Variants in PCDHGA2 observed in about 807,000 individuals in gnomAD.
The protein encoded by PCDHGA2 is protocadherin gamma-A2.
Under a neutral mutation model 59.2 loss-of-function variants are expected in PCDHGA2, and 40 were observed. The observed-to-expected ratio is 0.68, with a 90% CI of 0.52 to 0.88. The LOEUF (loss-of-function observed/expected upper bound fraction) is 0.88. Among genes scored for constraint, PCDHGA2 ranks in the 40% least tolerant of loss-of-function variants. The pLI is 0.00. For missense variants in PCDHGA2, 1,226 were observed against 1,204.0 expected (o/e 1.02, Z -0.27); for synonymous variants, 560 against 526.0 (o/e 1.06, Z -0.89).
chr5:141,394,661 C>T (rs1471316947), intron 1 of PCDHGA2: 1 of 1,613,378 alleles, frequency 6.2e-7, no homozygotes, highest in Non-Finnish European at 8.5e-7. Flanking sequence ...AGCCGGGACT[C>T]TTCTCGGTGG....
In PCDHGA2 at chr5:141,383,423, A is replaced by G. The variant is rs373117845; in HGVS notation, c.2424+42028A>G. 86 of 1,613,864 alleles carry G rather than the reference A, an allele frequency of 5.3e-5. No individual in the cohort carries two copies. The highest frequency in any genetic ancestry group is 1.6e-4 in the Middle Eastern group (1 of 6,084). On this transcript the variant is annotated intron_variant, in intron 1 of 3. Transcript: ENST00000394576. ...CTCCAGAGTTACCAGCTCAGCCCCAATCGCCACTTCTCCCTGGCTGTGCAA... is the reference window on the plus strand; with the variant it reads ...CTCCAGAGTTACCAGCTCAGCCCCAGTCGCCACTTCTCCCTGGCTGTGCAA...
chr5:141,491,381 C>A lies in PCDHGA2; in HGVS notation c.2425-3426C>A. On this transcript the variant is annotated intron_variant, in intron 1 of 3. Transcript: ENST00000394576. This position sits in a 1 kb window ranked among gnomAD's most constrained non-coding sequence, Gnocchi z 6.9. ...CTAGTCACCTTCACCTTTCTGTCAGCGAAGTGCCTTCAGGGAAACGCAGAC... is the reference window on the plus strand; with the variant it reads ...CTAGTCACCTTCACCTTTCTGTCAGAGAAGTGCCTTCAGGGAAACGCAGAC... 2 of 1,614,068 alleles carry A rather than the reference C, an allele frequency of 1.2e-6. No homozygotes were observed. The highest frequency in any genetic ancestry group is 1.7e-6 in the Non-Finnish European group (2 of 1,179,950).
chr5:141,364,406 C>A, intron 1 of PCDHGA2: 1 of 1,609,568 alleles, frequency 6.2e-7, no homozygotes, highest in East Asian at 2.2e-5. Context: ...GCTGTGCGAG[C>A]CAGGATCCGG....
Position 141,432,026 on chromosome 5 carries a change from A to G in PCDHGA2, c.2425-62781A>G, listed in dbSNP as rs1591124077. On this transcript the variant is annotated intron_variant, in intron 1 of 3. Coordinates refer to ENST00000394576, the MANE Select transcript of PCDHGA2 (RefSeq NM_018915.4). The surrounding 1 kb of genome is among the most constrained non-coding windows in gnomAD (Gnocchi z 6.0). ...GGTTCCTAGCTACAACATCACAGTG[A>G]CCGCCACTGACCGGGGAACCCCGCC... The G allele has an allele frequency of 1.9e-6, 3 of 1,614,152 alleles. 1 individual carries two copies. Among genetic ancestry groups the G allele is most frequent in the Middle Eastern group, 3.3e-4 (2 of 6,062 alleles).
rs144923915 is a variant in PCDHGA2, at chr5:141,340,812, C to T, written c.1841C>T (p.Pro614Leu). Residue 614 changes from proline to leucine, a missense_variant, in exon 1 of 4, where the codon CCG (proline) becomes CTG (leucine). Transcript: ENST00000394576. ...LSYHLLKASE[P>L]GLFSVGLHTG... ...TACCACCTGCTCAAGGCCAGCGAGC[C>T]GGGACTCTTCTCGGTGGGTCTGCAC... The T allele has an allele frequency of 6.2e-7, 1 of 1,613,626 alleles. No homozygotes were observed. The highest frequency in any genetic ancestry group is 2.2e-5 in the East Asian group (1 of 44,842).
At chr5:141,364,645 C>A (rs1036042236) in intron 1 of PCDHGA2, 1 of 1,614,078 alleles carries the variant, frequency 6.2e-7, no homozygotes, top group Non-Finnish European at 8.5e-7. Flanking sequence ...GTGTGGTGAA[C>A]TTTAACATCT....
intron 1 of PCDHGA2, chr5:141,478,355 G>A: frequency 6.2e-7 from 1 of 1,613,742 alleles, no homozygotes; most frequent in Non-Finnish European, 8.5e-7. Context: ...CGCGGACGCC[G>A]TGCGGGGAGG....
At chr5:141,472,980 C>CAAAAAAAAAAAAAAAAAAAAAAAA (rs60579131) in intron 1 of PCDHGA2, among the ~76,000 whole-genome samples, 7 of 86,078 alleles carry the variant, frequency 8.1e-5, no homozygotes, top group African/African-American at 1.9e-4. Context: ...GAGTGAAACT[C>CAAAAAAAAAAAAAAAAAAAAAAAA]AAAAAAAAAA....
Position 141,410,441 on chromosome 5 carries a change from A to T in PCDHGA2, c.2424+69046A>T. ...AGTTCCCCCCAACTACAGTGAGGGGACTTTGCCTTATTCTTATAATCTGTG... is the reference window on the plus strand; with the variant it reads ...AGTTCCCCCCAACTACAGTGAGGGGTCTTTGCCTTATTCTTATAATCTGTG... On this transcript the variant is annotated intron_variant, in intron 1 of 3. Transcript: ENST00000394576. 2 of 1,613,946 alleles carry T rather than the reference A, an allele frequency of 1.2e-6. 1 individual carries two copies. The highest frequency in any genetic ancestry group is 2.2e-5 in the South Asian group (2 of 91,074).
At chr5:141,482,356 G>T (rs1330274684) in intron 1 of PCDHGA2, among the ~76,000 whole-genome samples, 1 of 152,236 alleles carries the variant, frequency 6.6e-6, no homozygotes, top group East Asian at 1.9e-4. Flanking sequence ...TGTTGTGAGA[G>T]TGAAAAGTAA....
chr5:141,457,937 G>A (rs916509260), intron 1 of PCDHGA2, among the ~76,000 whole-genome samples: 1 of 152,166 alleles, frequency 6.6e-6, no homozygotes, highest in African/African-American at 2.4e-5. Flanking sequence ...GGCTTTTATT[G>A]GCTCTGCATG....
intron 1 of PCDHGA2, chr5:141,414,180 A>T: frequency 6.2e-7 from 1 of 1,608,986 alleles, no homozygotes; most frequent in Non-Finnish European, 8.5e-7. Context: ...TTGCAACTGC[A>T]AAAGTGTTGA....
At position 141,432,963 on chromosome 5, in the gene PCDHGA2, C is replaced by T. The variant is rs1382354299; in HGVS notation, c.2425-61844C>T. 1.5e-5 allele frequency: 24 copies of T among 1,614,046 alleles called. 1 individual carries two copies. In the South Asian group the frequency reaches 2.3e-4, roughly 16 times the overall value. On this transcript the variant is annotated intron_variant, in intron 1 of 3. Transcript: ENST00000394576. The surrounding 1 kb of genome is among the most constrained non-coding windows in gnomAD (Gnocchi z 6.0). ...GCTTCAGGAGGCGGCTTGACAGGAG[C>T]GCCGGCGTCGCACTTTGTGGGCGTG...
At chr5:141,412,067 G>A (rs1428018643) in intron 1 of PCDHGA2, 2 of 152,170 alleles carry the variant, frequency 1.3e-5, no homozygotes, top group Non-Finnish European at 2.9e-5. Context: ...TTGCATTTGA[G>A]GGAACAATTG....
intron 1 of PCDHGA2, among the ~76,000 whole-genome samples, chr5:141,481,194 T>C (rs74538051): frequency 0.017 from 2,576 of 152,298 alleles, 78 homozygotes; most frequent in African/African-American, 0.059. Context: ...CCAGGCCCAA[T>C]TTTTTTAAAA....
intron 1 of PCDHGA2, among the ~76,000 whole-genome samples, chr5:141,347,139 C>CTTTCTTTCTTTCTTTCT (rs1757899271): frequency 1.1e-5 from 1 of 89,008 alleles, no homozygotes; most frequent in Admixed American, 1.1e-4. Context: ...CTGTTTCTCT[C>CTTTCTTTCTTTCTTTCT]TTTCTTTCTT....
chr5:141,395,157 C>G, intron 1 of PCDHGA2: 2 of 1,614,174 alleles, frequency 1.2e-6, no homozygotes, highest in Non-Finnish European at 1.7e-6. Context: ...GCTCATCAGT[C>G]AGGAGGGCTG....
intron 1 of PCDHGA2, among the ~76,000 whole-genome samples, chr5:141,483,164 T>C (rs1051456583): frequency 1.1e-4 from 17 of 152,148 alleles, no homozygotes; most frequent in Non-Finnish European, 2.5e-4. Context: ...AGATCCTGAG[T>C]TACCTTTGGG....
At chr5:141,370,520 CAG>C (rs1250098556) in intron 1 of PCDHGA2, 3 of 1,613,752 alleles carry the variant, frequency 1.9e-6, no homozygotes, top group African/African-American at 2.7e-5. Context: ...AGGAGCTGGA[CAG>C]GGGCTCGCTG....
Sources: allele counts gnomAD v4.1 joint callset (sites outside exome capture counted in the v4.1 genomes callset), GRCh38; gene constraint gnomAD v4.1.1; non-coding constraint Gnocchi (gnomAD v3.1); transcripts MANE v1.5; gene names NCBI Gene and HGNC (gene_info 2026-07-23, HGNC 2026-07-21).